The following RFWD3 variants were observed in gnomAD, a reference collection of about 807,000 sequenced individuals.
RFWD3 encodes E3 ubiquitin-protein ligase RFWD3.
A neutral mutation model predicts 87.7 loss-of-function variants in RFWD3; 65 were observed. The ratio of observed to expected loss-of-function variants is 0.74; its 90% CI spans 0.61 to 0.91. The LOEUF is 0.91. RFWD3 is among the 40% of genes least tolerant of loss of function. The pLI, the probability that RFWD3 is intolerant of heterozygous loss-of-function variation, is 0.00. For synonymous variants in RFWD3, 433 were observed against 352.8 expected (o/e 1.23, Z -2.55); for missense variants, 1,078 against 938.5 (o/e 1.15, Z -1.94).
intron 2 of RFWD3, among the ~76,000 whole-genome samples, chr16:74,654,028 GT>G (rs146989549): frequency 4.6e-5 from 7 of 150,858 alleles, no homozygotes; most frequent in East Asian, 1.9e-4. Context: ...ATTCAGTGTT[GT>G]TTTTTTTTAG....
intron 4 of RFWD3, among the ~76,000 whole-genome samples, chr16:74,645,745 C>CTTTTTT (rs71376293): frequency 4.6e-4 from 34 of 74,194 alleles, no homozygotes; most frequent in Non-Finnish European, 6.6e-4. Context: ...CAAATATTTT[C>CTTTTTT]TTTTTTTTTT....
At chr16:74,630,167 C>T (rs1436471942) in intron 10 of RFWD3, among the ~76,000 whole-genome samples, 1 of 152,116 alleles carries the variant, frequency 6.6e-6, no homozygotes, top group Admixed American at 6.5e-5. Context: ...GCAATCTCGG[C>T]TCACCGCAAC....
rs551847297 is a variant in RFWD3 at position 74,629,531 on chromosome 16, C to T, written c.1755-865G>A. On this transcript the variant is annotated intron_variant, in intron 10 of 12. Coordinates refer to ENST00000361070, the MANE Select transcript of RFWD3 (RefSeq NM_018124.4). ...AAAGTTAGTCAGGTGTGGTGGCACA[C>T]GCGTATAGTCCCAGCTACTCGGGAG... Among the ~76,000 whole-genome samples, 19 of 152,042 alleles carry T rather than the reference C, an allele frequency of 1.2e-4. No homozygotes were observed. The East Asian group carries it at 1.5e-3, about 12-fold the overall frequency.
chr16:74,628,534 A>G lies in RFWD3; in HGVS notation c.1887T>C (p.His629=), dbSNP rs1959002285. Residue 629 remains histidine, a synonymous_variant, in exon 11 of 13, where the codon CAT becomes CAC. Coordinates refer to ENST00000361070, the MANE Select transcript of RFWD3 (RefSeq NM_018124.4). ...AGCCCCCTGGCTCCAAGGGCAGCACATGAGGCCAATGAGAAAAGTCCATTT... is the reference window on the plus strand; with the variant it reads ...AGCCCCCTGGCTCCAAGGGCAGCACGTGAGGCCAATGAGAAAAGTCCATTT... ...EQKMDFSHWP[H]VLPLEPGGCI... is the part of the protein sequence containing the mutation. 2 of 1,614,064 alleles carry G rather than the reference A, an allele frequency of 1.2e-6. No homozygotes were observed. Among genetic ancestry groups the G allele is most frequent in the Admixed American group, 1.7e-5 (1 of 59,992 alleles).
In RFWD3 at chr16:74,637,096, T is replaced by C. The variant is rs145129425; in HGVS notation, c.1195-519A>G. 1.3e-3 allele frequency among the ~76,000 whole-genome samples: 175 copies of C among 138,278 alleles called. 2 individuals carry two copies. The highest frequency in any genetic ancestry group is 4.8e-3 in the African/African-American group (171 of 35,784). 90.7% of individuals were successfully genotyped at this position (138,278 alleles called of 152,430 possible). On this transcript the variant is annotated intron_variant, in intron 7 of 12. Coordinates refer to ENST00000361070, the MANE Select transcript of RFWD3 (RefSeq NM_018124.4). ...TCATAATATGAGGGTTGAAAGTCCT[T>C]AATGGTGGTTTCGTTTAAAGTCCTT...
chr16:74,626,511 G>C lies in RFWD3; in HGVS notation c.2013C>G (p.Ser671=), dbSNP rs754278440. The change falls in exon 12 of 13, where the codon TCC becomes TCG. Residue 671 remains serine, a synonymous_variant. Coordinates refer to ENST00000361070, the MANE Select transcript of RFWD3 (RefSeq NM_018124.4). ...TTIRSVLMEM[S]YRLDDTGNPI... ...GATTTCCAGTGTCATCCAGTCGGTA[G>C]GACATTTCCATCAGCACACTTCGTA... is the stretch of plus-strand genomic sequence containing the variant. 4 of 1,614,012 alleles carry C rather than the reference G, an allele frequency of 2.5e-6. No homozygotes were observed. In the South Asian group the frequency reaches 3.3e-5, roughly 13 times the overall value.
At chr16:74,634,183 G>C (rs1959174618) in intron 8 of RFWD3, among the ~76,000 whole-genome samples, 1 of 152,042 alleles carries the variant, frequency 6.6e-6, no homozygotes, top group African/African-American at 2.4e-5. Context: ...GTGAACAATA[G>C]AGAATGAAAA....
rs373638393 is a variant in RFWD3, at chr16:74,666,849, G to GAAGACTCGGTAGTTACCTCCGCCA, written c.-67_-66insTGGCGGAGGTAACTACCGAGTCTT. On this transcript the variant is annotated 5_prime_UTR_variant, in exon 1 of 13. Transcript: ENST00000361070. ...CGAAGACTCGGTAGTTACCTCGGCCGCACTCCGAATGCACCTACGCCAACT... is the reference window on the plus strand; with the variant it reads ...CGAAGACTCGGTAGTTACCTCGGCCGAAGACTCGGTAGTTACCTCCGCCACACTCCGAATGCACCTACGCCAACT... The GAAGACTCGGTAGTTACCTCCGCCA allele has an allele frequency of 3.3e-5, 5 of 152,196 alleles. No homozygotes were observed. The highest frequency in any genetic ancestry group is 7.3e-5 in the Non-Finnish European group (5 of 68,174). 9.4% of individuals were successfully genotyped at this position (152,196 alleles called of 1,614,324 possible). A position where few individuals can be genotyped will look rare whatever the true frequency, so the allele number is the denominator to read the frequency against.
intron 10 of RFWD3, among the ~76,000 whole-genome samples, chr16:74,630,453 A>G (rs979985772): frequency 2.5e-4 from 38 of 152,260 alleles, no homozygotes; most frequent in African/African-American, 8.9e-4. Flanking sequence ...TTAAGCTCAC[A>G]GTGGGCCAAG....
chr16:74,631,662 C>A (rs1945686523), intron 9 of RFWD3, among the ~76,000 whole-genome samples: 2 of 152,162 alleles, frequency 1.3e-5, no homozygotes, highest in Admixed American at 1.3e-4. Flanking sequence ...TACTCAAGGG[C>A]AGTGAGTGCT....
intron 2 of RFWD3, among the ~76,000 whole-genome samples, chr16:74,656,684 C>G (rs1422378721): frequency 6.6e-6 from 1 of 152,096 alleles, no homozygotes; most frequent in Non-Finnish European, 1.5e-5. Context: ...TCTTGAACTC[C>G]TGAGCTCAGG....
At chr16:74,643,758 C>A (rs1236543756) in intron 6 of RFWD3, among the ~76,000 whole-genome samples, 6 of 145,504 alleles carry the variant, frequency 4.1e-5, no homozygotes, top group Non-Finnish European at 8.9e-5. Context: ...TCACTGCAAG[C>A]TCTGCCTCAC....
chr16:74,659,925 C>T (rs1273972281), intron 2 of RFWD3, among the ~76,000 whole-genome samples: 1 of 152,102 alleles, frequency 6.6e-6, no homozygotes, highest in Admixed American at 6.6e-5. Flanking sequence ...GTTGCGTATG[C>T]CTGTAGTCCC....
chr16:74,625,711 A>G (rs1309164322), intron 12 of RFWD3, among the ~76,000 whole-genome samples: 1 of 152,220 alleles, frequency 6.6e-6, no homozygotes, highest in South Asian at 2.1e-4. Flanking sequence ...AATGAAAGTT[A>G]GCGCTAGCTT....
Position 74,632,560 on chromosome 16 carries a change from G to C in RFWD3, c.1540C>G (p.Leu514Val), listed in dbSNP as rs1444986819. The C allele has an allele frequency of 2.5e-6, 4 of 1,613,962 alleles. No individual in the cohort carries two copies. The highest frequency in any genetic ancestry group is 3.3e-4 in the Middle Eastern group (2 of 6,078). ...AFSSYLRGLL[L>V]SASLDNTIKL... is the part of the protein sequence containing the mutation. ...ATAGTGTTGTCTAGGGAAGCAGAGA[G>C]TAGCAAGCCTCTGAGGTAACTGCTA... The change falls in exon 9 of 13, where the codon CTC becomes GTC. Residue 514 changes from leucine (L) to valine (V), a missense_variant. Leu to Val is a conservative substitution (Grantham distance 32, BLOSUM62 1). Coordinates refer to ENST00000361070, the MANE Select transcript of RFWD3 (RefSeq NM_018124.4).
chr16:74,659,737 T>C (rs1257558033), intron 2 of RFWD3, among the ~76,000 whole-genome samples: 2 of 152,110 alleles, frequency 1.3e-5, no homozygotes, highest in Non-Finnish European at 1.5e-5. Context: ...GCAGGATCCA[T>C]GAAAAAGAAT....
At chr16:74,665,540 T>C (rs1207224772) in intron 1 of RFWD3, among the ~76,000 whole-genome samples, 1 of 150,646 alleles carries the variant, frequency 6.6e-6, no homozygotes, top group East Asian at 2.0e-4. Flanking sequence ...ATCGCACCAC[T>C]GCACTCCAGC....
At chr16:74,638,057 G>T in intron 6 of RFWD3, 87 bp from the exon 7 acceptor site, 1 of 767,766 alleles carries the variant, frequency 1.3e-6, no homozygotes, top group Non-Finnish European at 2.3e-6. Flanking sequence ...TTCATGCTAT[G>T]ATGCACGTTC....
rs756287086 is a variant in RFWD3 at position 74,637,936 on chromosome 16, C to T, written c.1114G>A (p.Ala372Thr). ...CGGCACTGTGCTGATTCTAACTCGG[C>T]CTGTTTCCTTAGCATCTGTTCCTTC... ...LLKEQMLRKQ[A>T]ELESAQCRLQ... The change falls in exon 7 of 13, where the codon GCC becomes ACC. Residue 372 changes from alanine (A) to threonine (T), a missense_variant. By Grantham distance (58) the Ala-to-Thr change is moderately conservative. Coordinates refer to ENST00000361070, the MANE Select transcript of RFWD3 (RefSeq NM_018124.4). 16 of 1,612,024 alleles carry T rather than the reference C, an allele frequency of 9.9e-6. No homozygotes were observed. In the Admixed American group the frequency reaches 2.5e-4, roughly 25 times the overall value.
Sources: allele counts gnomAD v4.1 joint callset (sites outside exome capture counted in the v4.1 genomes callset), GRCh38; gene constraint gnomAD v4.1.1; transcripts MANE v1.5; gene names NCBI Gene and HGNC (gene_info 2026-07-23, HGNC 2026-07-21).